Variants in SHPRH observed in about 807,000 individuals in gnomAD.
SHPRH encodes SNF2 histone linker PHD RING helicase.
In SHPRH, 106 loss-of-function variants were observed where a neutral mutation model predicts 202.5. That is an observed-to-expected ratio of 0.52 (90% confidence interval 0.45 to 0.62). The LOEUF (loss-of-function observed/expected upper bound fraction) is 0.62. SHPRH is among the 20% of genes least tolerant of loss of function. SHPRH has a pLI of 0.00. For missense variants in SHPRH, 1,710 were observed against 2,020.0 expected (o/e 0.85, Z 2.94); for synonymous variants, 729 against 686.0 (o/e 1.06, Z -0.98).
chr6:145,942,456 GCTT>G (rs1273574138), intron 9 of SHPRH, among the ~76,000 whole-genome samples: 10 of 152,226 alleles, frequency 6.6e-5, no homozygotes, highest in African/African-American at 1.4e-4. Flanking sequence ...ACAGAATAGA[GCTT>G]CTTAACAGCA....
rs575647159 is a variant in SHPRH, at chr6:145,957,154, T to C, written c.-32-1800A>G. On this transcript the variant is annotated intron_variant, in intron 1 of 29. Coordinates refer to ENST00000275233, the MANE Select transcript of SHPRH (RefSeq NM_001042683.3). ...GAAAGGTATCCTTTTAGTAAATGGA[T>C]ACCAATATGCAATGAAATGAAGCTT... Among the ~76,000 whole-genome samples the C allele has an allele frequency of 8.5e-5, 13 of 152,202 alleles. No homozygotes were observed. In the South Asian group the frequency reaches 1.9e-3, roughly 22 times the overall value.
At chr6:145,923,527 A>AG in intron 18 of SHPRH, 116 bp downstream of exon 18, 1 of 1,263,376 alleles carries the variant, frequency 7.9e-7, no homozygotes, top group South Asian at 1.5e-5. Flanking sequence ...GTGTCTGTAT[A>AG]GGTTTATGAA....
In SHPRH at chr6:145,952,649, T is replaced by C. The variant is rs117532962; in HGVS notation, c.634-171A>G. Among the ~76,000 whole-genome samples the C allele has an allele frequency of 3.3e-5, 5 of 152,186 alleles. No homozygotes were observed. In the East Asian group the frequency reaches 7.7e-4, roughly 24 times the overall value. ...TTTCCCCCACGTGTTTCATTTTCAC[T>C]AACAAATTATAAATGTAAGTGCCTA... is the stretch of plus-strand genomic sequence containing the variant. On this transcript the variant is annotated intron_variant, in intron 2 of 29. Coordinates refer to ENST00000275233, the MANE Select transcript of SHPRH (RefSeq NM_001042683.3).
intron 1 of SHPRH, among the ~76,000 whole-genome samples, chr6:145,961,878 T>G (rs1170265916): frequency 6.6e-6 from 1 of 152,226 alleles, no homozygotes; most frequent in East Asian, 1.9e-4. Flanking sequence ...GTTAACTTCT[T>G]GAACCAAAGA....
At chr6:145,925,931 A>G (rs1582713683) in intron 16 of SHPRH, among the ~76,000 whole-genome samples, 1 of 151,890 alleles carries the variant, frequency 6.6e-6, no homozygotes, top group Admixed American at 6.6e-5. Context: ...TTTAAAACTC[A>G]TTTATTTACA....
At position 145,943,826 on chromosome 6, in the gene SHPRH, TTGATTGCAAC is replaced by T. The variant is rs762689204; in HGVS notation, c.1579-34_1579-25del. 11 of 1,532,026 alleles carry T rather than the reference TTGATTGCAAC, an allele frequency of 7.2e-6. No homozygotes were observed. In the African/African-American group the frequency reaches 1.3e-4, roughly 17 times the overall value. The allele number at this position is 1,532,026 out of a possible 1,614,324, so 94.9% of individuals were successfully genotyped here. A position where few individuals can be genotyped will look rare whatever the true frequency, so the allele number is the denominator to read the frequency against. ...GCCTATGAAAAAAATATTTAATTAA[TTGATTGCAAC>T]TAGTTGCATTTCTGAAATTAAACTC... On this transcript the variant is annotated intron_variant, in intron 8 of 29. Coordinates refer to ENST00000275233, the MANE Select transcript of SHPRH (RefSeq NM_001042683.3).
intron 14 of SHPRH, among the ~76,000 whole-genome samples, chr6:145,931,497 C>T (rs570797849): frequency 6.6e-6 from 1 of 152,154 alleles, no homozygotes; most frequent in African/African-American, 2.4e-5. Flanking sequence ...GGACTACAGG[C>T]GCATGCCACC....
intron 23 of SHPRH, among the ~76,000 whole-genome samples, chr6:145,914,034 G>A (rs1262037274): frequency 6.6e-6 from 1 of 152,076 alleles, no homozygotes; most frequent in Non-Finnish European, 1.5e-5. Context: ...TTACCATATA[G>A]ATTCCAATTC....
At chr6:145,867,653 G>GAGAGAA (rs1779859418) in intron 2 of SHPRH, among the ~76,000 whole-genome samples, 1 of 139,274 alleles carries the variant, frequency 7.2e-6, no homozygotes, top group Non-Finnish European at 1.6e-5. Context: ...GAGAGAGAGA[G>GAGAGAA]AGAGAGAGAG....
rs772233319 is a variant in SHPRH, at chr6:145,946,352, C to T, written c.1213-11G>A. 2 of 1,588,484 alleles carry T rather than the reference C, an allele frequency of 1.3e-6. No homozygotes were observed. Among genetic ancestry groups the T allele is most frequent in the Non-Finnish European group, 1.7e-6 (2 of 1,162,686 alleles). On this transcript the variant is annotated splice_polypyrimidine_tract_variant and intron_variant, in intron 6 of 29. Transcript: ENST00000275233. ...ATTCACCACTTTTCCCTGATACAAACAACAGTCAGTAGTTACACAGTGTTT... is the reference window on the plus strand; with the variant it reads ...ATTCACCACTTTTCCCTGATACAAATAACAGTCAGTAGTTACACAGTGTTT...
chr6:145,912,095 C>T (rs374336753), intron 24 of SHPRH, among the ~76,000 whole-genome samples: 41 of 147,558 alleles, frequency 2.8e-4, no homozygotes, highest in Non-Finnish European at 4.4e-4. Flanking sequence ...GAAGAAGCAA[C>T]GAGATACCTG....
downstream of SHPRH, among the ~76,000 whole-genome samples, chr6:145,882,741 G>C (rs187336535): frequency 1.1e-3 from 161 of 152,284 alleles, no homozygotes; most frequent in Non-Finnish European, 2.0e-3. Context: ...TTACGGTTCT[G>C]GGTAAAGAAT....
chr6:145,945,349 C>T, intron 8 of SHPRH, 32 bp downstream of exon 8: 1 of 1,584,034 alleles, frequency 6.3e-7, no homozygotes, highest in Non-Finnish European at 8.6e-7. Context: ...CATACGTGTA[C>T]TTAATATAGA....
intron 25 of SHPRH, chr6:145,905,102 A>T (rs182007938): frequency 2.0e-4 from 30 of 152,212 alleles, no homozygotes; most frequent in African/African-American, 7.2e-4. Context: ...AAAACCTGAC[A>T]CAGCAGTTCT....
At chr6:145,868,079 GTTGA>G (rs1269150238) in intron 2 of SHPRH, among the ~76,000 whole-genome samples, 2 of 152,126 alleles carry the variant, frequency 1.3e-5, no homozygotes, top group Admixed American at 1.3e-4. Context: ...TTTATTTTGG[GTTGA>G]TTTCTTCTGA....
At chr6:145,927,668 A>C (rs954317237) in intron 14 of SHPRH, among the ~76,000 whole-genome samples, 5 of 151,842 alleles carry the variant, frequency 3.3e-5, no homozygotes, top group Admixed American at 1.3e-4. Context: ...ATTAAGGATA[A>C]ACTTAAGGTA....
intron 14 of SHPRH, among the ~76,000 whole-genome samples, chr6:145,931,324 TGAA>T (rs1206692961): frequency 3.3e-5 from 5 of 151,918 alleles, no homozygotes; most frequent in African/African-American, 1.2e-4. Flanking sequence ...TTCTTTTTTT[TGAA>T]GATTTTTAAT....
chr6:145,861,683 T>G (rs1032235437), downstream of SHPRH, among the ~76,000 whole-genome samples: 1 of 152,152 alleles, frequency 6.6e-6, no homozygotes, highest in Non-Finnish European at 1.5e-5. Flanking sequence ...AGCCAAGATA[T>G]GGAAACAACC....
intron 17 of SHPRH, 40 bp downstream of exon 17, chr6:145,924,698 TG>T: frequency 6.4e-7 from 1 of 1,570,238 alleles, no homozygotes; most frequent in African/African-American, 1.4e-5. Context: ...AAATGATATC[TG>T]GAGGCAAATA....
Sources: allele counts gnomAD v4.1 joint callset (sites outside exome capture counted in the v4.1 genomes callset), GRCh38; gene constraint gnomAD v4.1.1; transcripts MANE v1.5; gene names NCBI Gene and HGNC (gene_info 2026-07-23, HGNC 2026-07-21).